Variants in PCNX3 observed in about 807,000 individuals in gnomAD.
The protein encoded by PCNX3 is pecanex 3, also known as pecanex-like protein 3.
In PCNX3, 58 loss-of-function variants were observed where a neutral mutation model predicts 207.2. That is an observed-to-expected ratio of 0.28 (90% CI 0.23 to 0.35). PCNX3 has a LOEUF of 0.35. Among genes scored for constraint, PCNX3 ranks in the 10% least tolerant of loss-of-function variants. The pLI is 1.00. For missense variants in PCNX3, 2,410 were observed against 2,774.4 expected, an observed-to-expected ratio of 0.87 and a Z score of 2.95; for synonymous variants, 1,337 against 1,183.5, an observed-to-expected ratio of 1.13 and a Z score of -2.66.
In PCNX3 at chr11:65,636,174, G is replaced by C. The variant is rs757777392; in HGVS notation, c.5460G>C (p.Arg1820Ser). The change falls in exon 33 of 35, where the codon AGG becomes AGC. Residue 1820 changes from arginine (R) to serine (S), a missense_variant and splice_region_variant. Arg to Ser is a moderately radical substitution (Grantham distance 110). This residue lies in a region of PCNX3 where 59 missense variants were observed against 83.9 expected (regional missense o/e 0.70). Coordinates refer to ENST00000355703, the MANE Select transcript of PCNX3 (RefSeq NM_032223.4). Reference protein sequence around the residue: ...IAHWLLRTWERLHKGCGAGCN... With the variant: ...IAHWLLRTWESLHKGCGAGCN... ...CCCTTTTCTACCTCTCCACCCCCAG[G>C]CTTCACAAGGGCTGTGGCGCCGGCT... 6.3e-7 allele frequency: 1 copy of C among 1,599,446 alleles called. No individual in the cohort carries two copies. The highest frequency in any genetic ancestry group is 1.1e-5 in the South Asian group (1 of 88,640).
chr11:65,622,628 C>G (rs1008984073), intron 11 of PCNX3, among the ~76,000 whole-genome samples: 1 of 152,234 alleles, frequency 6.6e-6, no homozygotes, highest in African/African-American at 2.4e-5. Context: ...CGGAGTCTCT[C>G]TCTGTCGTCC....
In PCNX3 at chr11:65,628,931, C is replaced by G; in HGVS notation, c.3924C>G (p.Phe1308Leu). The change falls in exon 24 of 35, where the codon TTC becomes TTG. Residue 1308 changes from phenylalanine (F) to leucine (L), a missense_variant. Phe to Leu is a conservative substitution (Grantham distance 22). This residue lies in a region of PCNX3 where 420 missense variants were observed against 705.3 expected (regional missense o/e 0.60). Transcript: ENST00000355703. ...FIMSYARPLK[F>L]WERDYNTKRV... ...TGTCCTACGCTCGGCCCCTCAAGTTCTGGGAGCGCGACTACAAGTGAGTCT... is the reference window on the plus strand; with the variant it reads ...TGTCCTACGCTCGGCCCCTCAAGTTGTGGGAGCGCGACTACAAGTGAGTCT... 2 of 1,612,064 alleles carry G rather than the reference C, an allele frequency of 1.2e-6. No individual in the cohort carries two copies. The highest frequency in any genetic ancestry group is 1.7e-6 in the Non-Finnish European group (2 of 1,179,806).
chr11:65,634,121 C>T lies in PCNX3; in HGVS notation c.4471-5C>T. 1 of 1,609,622 alleles carries T rather than the reference C, an allele frequency of 6.2e-7. No individual in the cohort carries two copies. The highest frequency in any genetic ancestry group is 8.5e-7 in the Non-Finnish European group (1 of 1,179,088). On this transcript the variant is annotated splice_polypyrimidine_tract_variant and splice_region_variant and intron_variant, in intron 27 of 34. Coordinates refer to ENST00000355703, the MANE Select transcript of PCNX3 (RefSeq NM_032223.4). ...CCGGCCTGACGCCTGCCCCTCCTCT[C>T]CCAGAGCATCATCTACTACGTGAGC... is the stretch of plus-strand genomic sequence containing the variant.
chr11:65,632,004 G>A (rs899909106), intron 27 of PCNX3, among the ~76,000 whole-genome samples: 2 of 152,178 alleles, frequency 1.3e-5, no homozygotes, highest in African/African-American at 2.4e-5. Flanking sequence ...TGTGTCTAGA[G>A]AGGGACATTC....
Position 65,634,227 on chromosome 11 carries a change from C to T in PCNX3, c.4572C>T (p.Ala1524=), listed in dbSNP as rs375434688. The change falls in exon 28 of 35, where the codon GCC becomes GCT. Residue 1524 remains alanine, a synonymous_variant. Coordinates refer to ENST00000355703, the MANE Select transcript of PCNX3 (RefSeq NM_032223.4). The part of the protein sequence containing the change: ...ALRPVRVPGY[A]DSDPTFSLSV... ...GGCCTGTGCGGGTGCCCGGCTATGCCGACTCGGATCCCACCTTCTCGCTGA... is the reference window on the plus strand; with the variant it reads ...GGCCTGTGCGGGTGCCCGGCTATGCTGACTCGGATCCCACCTTCTCGCTGA... 60 of 1,613,162 alleles carry T rather than the reference C, an allele frequency of 3.7e-5. No homozygotes were observed. In the African/African-American group the frequency reaches 3.7e-4, roughly 10 times the overall value.
intron 20 of PCNX3, 128 bp from the exon 21 acceptor site, chr11:65,626,776 C>T: frequency 7.2e-7 from 1 of 1,383,094 alleles, no homozygotes; most frequent in Middle Eastern, 2.5e-4. Flanking sequence ...TGAGCTGCCA[C>T]AGATCAGCCC....
In PCNX3 at chr11:65,625,632, T is replaced by A; in HGVS notation, c.3136-20T>A. 1 of 1,608,372 alleles carries A rather than the reference T, an allele frequency of 6.2e-7. No homozygotes were observed. Among genetic ancestry groups the A allele is most frequent in the Non-Finnish European group, 8.5e-7 (1 of 1,176,330 alleles). On this transcript the variant is annotated intron_variant, in intron 18 of 34. Coordinates refer to ENST00000355703, the MANE Select transcript of PCNX3 (RefSeq NM_032223.4). This position sits in a 1 kb window ranked among gnomAD's most constrained non-coding sequence, Gnocchi z 5.6. Reference sequence around the variant, plus strand: ...TGTCTCTCCTGGCCGGGCAGCTGAATGTCTCTCCTGGCCCTGCAGCGTGAG... The same window carrying A: ...TGTCTCTCCTGGCCGGGCAGCTGAAAGTCTCTCCTGGCCCTGCAGCGTGAG...
chr11:65,626,869 G>T, intron 20 of PCNX3, 35 bp from the exon 21 acceptor site: 1 of 1,566,998 alleles, frequency 6.4e-7, no homozygotes, highest in Non-Finnish European at 8.6e-7. Context: ...CAGGCATGTG[G>T]AAGCCAGGTG....
chr11:65,634,836 G>A (rs1855762118), intron 29 of PCNX3, 137 bp from the exon 30 acceptor site: 4 of 1,300,714 alleles, frequency 3.1e-6, no homozygotes, highest in South Asian at 1.5e-5. Flanking sequence ...AGAGACATGG[G>A]CAGAGATTGG....
chr11:65,618,847 C>A lies in PCNX3; in HGVS notation c.1485C>A (p.Ala495=), dbSNP rs532010406. The stretch of plus-strand genomic sequence containing the variant: ...GGACCCAGCGGACGCCTAGTACCGC[C>A]AGCGCTAAAACACATGCCCGTGTGC... ...PYGTQRTPST[A]SAKTHARVLS... The change falls in exon 6 of 35, where the codon GCC becomes GCA. Residue 495 remains alanine, a synonymous_variant. Transcript: ENST00000355703. 5 of 1,611,102 alleles carry A rather than the reference C, an allele frequency of 3.1e-6. No individual in the cohort carries two copies. In the South Asian group the frequency reaches 4.4e-5, roughly 14 times the overall value.
intron 5 of PCNX3, 112 bp downstream of exon 5, chr11:65,617,818 T>C: frequency 6.8e-7 from 1 of 1,459,858 alleles, no homozygotes; most frequent in Non-Finnish European, 9.3e-7. Context: ...CTGTGGGACC[T>C]CCCCAGTGTG....
chr11:65,635,469 C>G lies in PCNX3; in HGVS notation c.5184+21C>G. The G allele has an allele frequency of 6.2e-7, 1 of 1,607,836 alleles. No homozygotes were observed. On this transcript the variant is annotated intron_variant, in intron 31 of 34. Transcript: ENST00000355703. The surrounding 1 kb of genome is among the most constrained non-coding windows in gnomAD (Gnocchi z 9.9). ...TCAAGGTTGGGCCGGCCCCACCTGCCCTAAGCCCTGCCCCAAACCCCCTTG... is the reference window on the plus strand; with the variant it reads ...TCAAGGTTGGGCCGGCCCCACCTGCGCTAAGCCCTGCCCCAAACCCCCTTG...
chr11:65,629,017 A>G (rs987991752), intron 24 of PCNX3, 69 bp downstream of exon 24: 411 of 1,578,968 alleles, frequency 2.6e-4, no homozygotes, highest in Non-Finnish European at 3.4e-4. Context: ...CCCAGGCTGG[A>G]GGCCACCCAC....
At chr11:65,623,733 G>T in intron 12 of PCNX3, 89 bp downstream of exon 12, 1 of 1,551,972 alleles carries the variant, frequency 6.4e-7, no homozygotes, top group Non-Finnish European at 8.7e-7. Flanking sequence ...AGTATAAGCT[G>T]AAAGGTAGAT....
chr11:65,620,952 C>T lies in PCNX3; in HGVS notation c.2221C>T (p.Leu741=). 6.5e-7 allele frequency: 1 copy of T among 1,546,548 alleles called. No homozygotes were observed. Among genetic ancestry groups the T allele is most frequent in the African/African-American group, 1.4e-5 (1 of 73,200 alleles). The part of the protein sequence containing the change: ...LQGMQVRRVP[L]EIPEEQTLME... ...GGGCATGCAGGTGCGCCGGGTGCCC[C>T]TGGAGATCCCGGAGGTGAGGAGCAG... Residue 741 remains leucine (L), a synonymous_variant, in exon 10 of 35, where the codon CTG becomes TTG. Coordinates refer to ENST00000355703, the MANE Select transcript of PCNX3 (RefSeq NM_032223.4).
chr11:65,623,821 T>C, intron 12 of PCNX3, 108 bp from the exon 13 acceptor site: 1 of 1,563,910 alleles, frequency 6.4e-7, no homozygotes, highest in Non-Finnish European at 8.8e-7. Flanking sequence ...TTCGGGGGCC[T>C]GACCTGGTCA....
At position 65,616,921 on chromosome 11, in the gene PCNX3, T is replaced by C; in HGVS notation, c.251T>C (p.Met84Thr). The C allele has an allele frequency of 6.2e-7, 1 of 1,613,572 alleles. No individual in the cohort carries two copies. Residue 84 changes from methionine to threonine, a missense_variant, in exon 2 of 35, where the codon ATG becomes ACG. By Grantham distance (81) the Met-to-Thr change is moderately conservative. This residue lies in a region of PCNX3 where 1,104 missense variants were observed against 970.3 expected (regional missense o/e 1.14). Transcript: ENST00000355703. ...ACTGTCAATTATCGGCTTCATGCCA[T>C]GTTTGACCAGGGCGAGATCGTGGAG... ...IKTVNYRLHA[M>T]FDQGEIVEKR... is the part of the protein sequence containing the mutation.
chr11:65,619,359 C>T lies in PCNX3; in HGVS notation c.1706-178C>T, dbSNP rs565642345. ...GGGGTGGGGCAGGGCCGATCAGTGTCATCCTTGTTTGCAAGTAAGGAAACT... is the reference window on the plus strand; with the variant it reads ...GGGGTGGGGCAGGGCCGATCAGTGTTATCCTTGTTTGCAAGTAAGGAAACT... On this transcript the variant is annotated intron_variant, in intron 6 of 34. Transcript: ENST00000355703. The T allele has an allele frequency of 7.6e-5, 66 of 867,058 alleles. No homozygotes were observed. The Middle Eastern group carries it at 2.4e-3, about 31-fold the overall frequency. The allele number at this position is 867,058 out of a possible 1,614,324, so 53.7% of individuals were successfully genotyped here.
At position 65,623,472 on chromosome 11, in the gene PCNX3, G is replaced by A. The variant is rs1280331701; in HGVS notation, c.2358-19G>A. Reference sequence around the variant, plus strand: ...AGGTGAGGCAAGACGGGCACGCCCTGACTAGGCTGTCCCTGCAGGACGCGG... The same window carrying A: ...AGGTGAGGCAAGACGGGCACGCCCTAACTAGGCTGTCCCTGCAGGACGCGG... On this transcript the variant is annotated intron_variant, in intron 11 of 34. Transcript: ENST00000355703. 1.3e-6 allele frequency: 2 copies of A among 1,584,584 alleles called. No individual in the cohort carries two copies. The highest frequency in any genetic ancestry group is 2.7e-5 in the African/African-American group (2 of 74,184).
Sources: allele counts gnomAD v4.1 joint callset (sites outside exome capture counted in the v4.1 genomes callset), GRCh38; gene constraint gnomAD v4.1.1; regional missense constraint gnomAD v4.1.1; non-coding constraint Gnocchi (gnomAD v3.1); transcripts MANE v1.5; gene names NCBI Gene and HGNC (gene_info 2026-07-23, HGNC 2026-07-21).